Variants in ZNF711 observed in about 807,000 individuals in gnomAD.
The protein encoded by ZNF711 is ZFX family zinc finger ZNF711.
In ZNF711, 3 loss-of-function variants were observed where a neutral mutation model predicts 43.5. The ratio of observed to expected loss-of-function variants is 0.07; its 90% confidence interval spans 0.03 to 0.18. The LOEUF (loss-of-function observed/expected upper bound fraction) is 0.18. Ranked by LOEUF, ZNF711 falls within the 10% of genes least tolerant of loss-of-function variation. The pLI, the probability that ZNF711 is intolerant of heterozygous loss-of-function variation, is 1.00. For synonymous variants in ZNF711, 209 were observed against 207.7 expected, an observed-to-expected ratio of 1.01 and a Z score of -0.06; for missense variants, 412 against 604.0, an observed-to-expected ratio of 0.68 and a Z score of 3.33.
At chrX:85,254,796 C>T (rs1306253175) in intron 4 of ZNF711, among the ~76,000 whole-genome samples, 2 of 90,676 alleles carry the variant, frequency 2.2e-5, no homozygotes, top group African/African-American at 8.8e-5. Flanking sequence ...AGCGAGACTC[C>T]GTCTCAAAAA....
intron 1 of ZNF711, among the ~76,000 whole-genome samples, chrX:85,245,126 C>G (rs1928913647): frequency 8.9e-6 from 1 of 111,922 alleles, no homozygotes; most frequent in South Asian, 3.8e-4. Flanking sequence ...TCCTTTGTCT[C>G]CCATCTCTGC....
chrX:85,261,334 C>T (rs887337185), intron 5 of ZNF711, among the ~76,000 whole-genome samples: 1 of 111,426 alleles, frequency 9.0e-6, no homozygotes, highest in Non-Finnish European at 1.9e-5. Context: ...ATGAATAATG[C>T]TCCATGAACA....
chrX:85,254,370 C>T (rs1200760191), intron 4 of ZNF711, among the ~76,000 whole-genome samples: 7 of 77,063 alleles, frequency 9.1e-5, no homozygotes, highest in East Asian at 3.8e-4. Flanking sequence ...TTTGGGAGGC[C>T]GAGGCGGGTG....
At chrX:85,262,754 A>G (rs1309182982) in intron 5 of ZNF711, among the ~76,000 whole-genome samples, 2 of 110,708 alleles carry the variant, frequency 1.8e-5, no homozygotes. Context: ...GTAGGATAGA[A>G]TCATTTGTAT....
chrX:85,269,926 T>C, intron 9 of ZNF711, 77 bp from the exon 10 acceptor site: 6 of 1,060,313 alleles, frequency 5.7e-6, no homozygotes, highest in Non-Finnish European at 7.9e-6. Context: ...TGTCATGTCA[T>C]CTGTAGTAAC....
chrX:85,272,366 G>T lies in ZNF711; in HGVS notation c.*538G>T. 8.6e-6 allele frequency: 1 copy of T among 116,435 alleles called. No homozygotes were observed. The highest frequency in any genetic ancestry group is 1.8e-5 in the Non-Finnish European group (1 of 55,088). The allele number at this position is 116,435 out of a possible 1,213,427, so 9.6% of individuals were successfully genotyped here. On this transcript the variant is annotated 3_prime_UTR_variant, in exon 11 of 11. Transcript: ENST00000674551. ...TTAAAAGAAAACTAACTGGAAAACA[G>T]GTTAGATTAATTCAGTACTATTAAA...
rs1185001178 is a variant in ZNF711, at chrX:85,254,783, T to C, written c.80-476T>C. Among the ~76,000 whole-genome samples the C allele has an allele frequency of 9.7e-5, 8 of 82,266 alleles. No individual in the cohort carries two copies. In the Admixed American group the frequency reaches 1.4e-3, roughly 14 times the overall value. The allele number at this position is 82,266 out of a possible 115,157, so 71.4% of individuals were successfully genotyped here. ...CGCCACCGCACTCCAGCCCGGGCGA[T>C]AGAGCGAGACTCCGTCTCAAAAAAA... On this transcript the variant is annotated intron_variant, in intron 4 of 10. Transcript: ENST00000674551.
In ZNF711 at chrX:85,271,916, A is replaced by G; in HGVS notation, c.*88A>G. Reference sequence around the variant, plus strand: ...TCACTAACTGTCTCACCGGGTTTCAAAGCTTGATACTAAACCATGACTTTA... The same window carrying G: ...TCACTAACTGTCTCACCGGGTTTCAGAGCTTGATACTAAACCATGACTTTA... On this transcript the variant is annotated 3_prime_UTR_variant, in exon 11 of 11. Transcript: ENST00000674551. 2 of 730,883 alleles carry G rather than the reference A, an allele frequency of 2.7e-6. No homozygotes were observed. Among genetic ancestry groups the G allele is most frequent in the Non-Finnish European group, 4.2e-6 (2 of 476,880 alleles). The allele number at this position is 730,883 out of a possible 1,213,427, so 60.2% of individuals were successfully genotyped here.
chrX:85,253,488 A>G (rs905770114), intron 4 of ZNF711, among the ~76,000 whole-genome samples: 2 of 111,383 alleles, frequency 1.8e-5, no homozygotes, highest in African/African-American at 6.5e-5. Context: ...GAGTACATAC[A>G]GTCCATGTAC....
chrX:85,258,780 A>G (rs1420999910), intron 5 of ZNF711, among the ~76,000 whole-genome samples: 1 of 109,294 alleles, frequency 9.1e-6, no homozygotes, highest in Non-Finnish European at 1.9e-5. Flanking sequence ...TTGCTGATTT[A>G]AGTTCTTTGT....
chrX:85,251,825 C>G (rs1296368192), intron 4 of ZNF711, among the ~76,000 whole-genome samples: 1 of 110,305 alleles, frequency 9.1e-6, no homozygotes, highest in Non-Finnish European at 1.9e-5. Context: ...TAAATATACT[C>G]TAACCTCTTC....
chrX:85,270,362 GA>G (rs764103482), intron 10 of ZNF711, among the ~76,000 whole-genome samples: 2 of 108,554 alleles, frequency 1.8e-5, no homozygotes, highest in South Asian at 8.0e-4. Flanking sequence ...TACTTTTACA[GA>G]GAATTTTCAG....
In ZNF711 at chrX:85,272,340, A is replaced by C. The variant is rs1240861548; in HGVS notation, c.*512A>C. 8.6e-6 allele frequency: 1 copy of C among 116,215 alleles called. No homozygotes were observed. Among genetic ancestry groups the C allele is most frequent in the Non-Finnish European group, 1.8e-5 (1 of 55,506 alleles). The allele number at this position is 116,215 out of a possible 1,213,427, so 9.6% of individuals were successfully genotyped here. ...GCAATGACAAAAGTTTTGTGTATTC[A>C]TTAAAAGAAAACTAACTGGAAAACA... On this transcript the variant is annotated 3_prime_UTR_variant, in exon 11 of 11. Coordinates refer to ENST00000674551, the MANE Select transcript of ZNF711 (RefSeq NM_001330574.2).
rs770058389 is a variant in ZNF711, at chrX:85,244,148, A to AGCGGCGGCGGCGGCG, written c.-438_-437insGGCGGCGGCGGCGGC. The AGCGGCGGCGGCGGCG allele has an allele frequency of 7.6e-6, 1 of 132,436 alleles. No homozygotes were observed. The highest frequency in any genetic ancestry group is 3.9e-5 in the African/African-American group (1 of 25,919). The allele number at this position is 132,436 out of a possible 1,213,427, so 10.9% of individuals were successfully genotyped here. A position where few individuals can be genotyped will look rare whatever the true frequency, so the allele number is the denominator to read the frequency against. ...AGGCGGCGGCGGCGGCGGCGGCGGC[A>AGCGGCGGCGGCGGCG]GCGGCGGCGGCAGCGGCGGCGGCAG... is the stretch of plus-strand genomic sequence containing the variant. On this transcript the variant is annotated 5_prime_UTR_variant, in exon 1 of 11. Coordinates refer to ENST00000674551, the MANE Select transcript of ZNF711 (RefSeq NM_001330574.2).
intron 5 of ZNF711, among the ~76,000 whole-genome samples, chrX:85,262,650 T>A (rs867166983): frequency 1.2e-5 from 1 of 86,220 alleles, no homozygotes; most frequent in Non-Finnish European, 2.5e-5. Context: ...TTTAGTAATA[T>A]AATTAGGAGC....
intron 4 of ZNF711, among the ~76,000 whole-genome samples, chrX:85,254,912 C>G (rs1339064123): frequency 9.8e-5 from 11 of 111,806 alleles, no homozygotes; most frequent in Non-Finnish European, 1.5e-4. Context: ...TCCAGTTTCT[C>G]CACATCCTCA....
At position 85,267,229 on chromosome X, in the gene ZNF711, CTT is replaced by C. The variant is rs1181040806; in HGVS notation, c.917-48_917-47del. Reference sequence around the variant, plus strand: ...TTACATTGTTTGGAATTTTTACCCACTTATTAAATATTTGGGGTTATAAACAA... The same window carrying C: ...TTACATTGTTTGGAATTTTTACCCACATTAAATATTTGGGGTTATAAACAA... On this transcript the variant is annotated intron_variant, in intron 7 of 10. Transcript: ENST00000674551. The C allele has an allele frequency of 9.4e-6, 9 of 961,631 alleles. No homozygotes were observed. In the East Asian group the frequency reaches 3.5e-4, roughly 37 times the overall value. 79.2% of individuals were successfully genotyped at this position (961,631 alleles called of 1,213,427 possible).
intron 7 of ZNF711, among the ~76,000 whole-genome samples, chrX:85,265,634 T>A (rs1255195386): frequency 9.0e-6 from 1 of 110,535 alleles, no homozygotes; most frequent in Admixed American, 9.7e-5. Flanking sequence ...AGGTAGGTGG[T>A]ATTTTTCCTG....
intron 5 of ZNF711, among the ~76,000 whole-genome samples, chrX:85,259,704 T>C (rs756921048): frequency 1.2e-4 from 13 of 111,224 alleles, no homozygotes; most frequent in Non-Finnish European, 2.5e-4. Context: ...ATGTTGTTGG[T>C]GTGTAGAAAT....
Sources: gnomAD v4.1 joint callset for allele counts (sites outside exome capture counted in the v4.1 genomes callset) on GRCh38, gnomAD v4.1.1 for gene constraint, MANE v1.5 for transcripts, NCBI Gene and HGNC (gene_info 2026-07-23, HGNC 2026-07-21) for gene names.